Variants in MAF observed in about 807,000 individuals in gnomAD.
The protein encoded by MAF is MAF bZIP transcription factor, also known as transcription factor Maf.
In MAF, 10 loss-of-function variants were observed where a neutral mutation model predicts 22.0. That is an observed-to-expected ratio of 0.45 (90% CI 0.28 to 0.77). MAF has a LOEUF of 0.77. MAF is among the 30% of genes least tolerant of loss of function. MAF has a pLI of 0.12. For synonymous variants in MAF, 337 were observed against 255.8 expected (o/e 1.32, Z -3.03); for missense variants, 544 against 548.4 (o/e 0.99, Z 0.08).
At position 79,599,979 on chromosome 16, in the gene MAF, G is replaced by A; in HGVS notation, c.-77C>T. The A allele has an allele frequency of 3.2e-6, 5 of 1,585,830 alleles. No individual in the cohort carries two copies. Among genetic ancestry groups the A allele is most frequent in the Non-Finnish European group, 3.4e-6 (4 of 1,171,298 alleles). On this transcript the variant is annotated 5_prime_UTR_variant, in exon 1 of 2. Transcript: ENST00000326043. ...GAGAGGGGCCAGCGGGCTGTGCTGG[G>A]TGGCCAGCGGGTGAGCCAGCTTGCC... is the stretch of plus-strand genomic sequence containing the variant.
At chr16:79,288,049 T>C in the MAF span, among the ~76,000 whole-genome samples, 28 of 152,274 alleles carry the variant, frequency 1.8e-4, 1 homozygote, top group Middle Eastern at 6.8e-3. Flanking sequence ...TCACTGCTTG[T>C]AATTACTCTG....
the MAF span, among the ~76,000 whole-genome samples, chr16:79,445,364 A>G: frequency 2.6e-5 from 4 of 152,160 alleles, no homozygotes; most frequent in African/African-American, 7.2e-5. Context: ...GTTTTTATGT[A>G]TCAGTTCCCG....
the MAF span, among the ~76,000 whole-genome samples, chr16:79,521,254 T>C: frequency 2.0e-5 from 3 of 152,344 alleles, no homozygotes; most frequent in South Asian, 6.2e-4. Context: ...AATCGCAACA[T>C]ATCATTGGAT....
intron 1 of MAF, chr16:79,598,523 C>T (rs1227561989): frequency 5.7e-6 from 8 of 1,394,024 alleles, no homozygotes; most frequent in Non-Finnish European, 6.5e-6. Context: ...GAGCCAGACA[C>T]CCATTCCCTC....
At chr16:79,478,824 C>G in the MAF span, among the ~76,000 whole-genome samples, 1 of 151,776 alleles carries the variant, frequency 6.6e-6, no homozygotes, top group Non-Finnish European at 1.5e-5. Flanking sequence ...CCTGGCATAC[C>G]TGTATCCCAT....
chr16:79,592,777 TA>T (rs913083682), downstream of MAF, among the ~76,000 whole-genome samples: 4 of 152,106 alleles, frequency 2.6e-5, no homozygotes, highest in East Asian at 1.9e-4. Flanking sequence ...AAAACTTCTC[TA>T]AAAAAAACCA....
At chr16:79,567,456 G>A in the MAF span, among the ~76,000 whole-genome samples, 1 of 149,708 alleles carries the variant, frequency 6.7e-6, no homozygotes, top group Non-Finnish European at 1.5e-5. Flanking sequence ...ATCCATAGAA[G>A]CCACAAGGCA....
At chr16:79,381,137 G>A in the MAF span, among the ~76,000 whole-genome samples, 1 of 152,070 alleles carries the variant, frequency 6.6e-6, no homozygotes, top group East Asian at 1.9e-4. Flanking sequence ...TGCAGCTAGA[G>A]ATCAATGATA....
the MAF span, chr16:79,212,489 A>T: frequency 4.6e-6 from 1 of 218,854 alleles, no homozygotes; most frequent in Admixed American, 5.1e-5. Context: ...CTTGAAAGGC[A>T]GGAAGGGAAG....
chr16:79,476,855 A>AT, the MAF span, among the ~76,000 whole-genome samples: 2 of 152,116 alleles, frequency 1.3e-5, no homozygotes, highest in East Asian at 1.9e-4. Context: ...CATCACTGAC[A>AT]TTTTTTAAAA....
At chr16:79,524,264 T>TA in the MAF span, among the ~76,000 whole-genome samples, 1 of 152,192 alleles carries the variant, frequency 6.6e-6, no homozygotes, top group Admixed American at 6.5e-5. Flanking sequence ...TTTGCTGCAT[T>TA]AGCCGGGGGC....
the MAF span, among the ~76,000 whole-genome samples, chr16:79,222,324 G>A: frequency 6.6e-6 from 1 of 152,022 alleles, no homozygotes; most frequent in Non-Finnish European, 1.5e-5. Flanking sequence ...TCTTACAAGA[G>A]CTCCTGAAGA....
chr16:79,212,564 TTGTC>T, the MAF span: 14 of 165,888 alleles, frequency 8.4e-5, no homozygotes, highest in East Asian at 1.6e-4. Context: ...GTTAATCCCT[TTGTC>T]TGTCAATCAC....
At chr16:79,533,953 C>A in the MAF span, among the ~76,000 whole-genome samples, 4 of 152,206 alleles carry the variant, frequency 2.6e-5, no homozygotes, top group African/African-American at 7.2e-5. Context: ...CAAGGAAAGC[C>A]TGGGAAATTC....
the MAF span, among the ~76,000 whole-genome samples, chr16:79,295,707 G>T: frequency 6.6e-6 from 1 of 152,194 alleles, no homozygotes; most frequent in African/African-American, 2.4e-5. Context: ...ACAAAGCAGG[G>T]TCTCCCACTG....
the MAF span, among the ~76,000 whole-genome samples, chr16:79,486,804 C>T: frequency 6.6e-6 from 1 of 152,228 alleles, no homozygotes; most frequent in East Asian, 1.9e-4. Context: ...TGTTGCTTTT[C>T]ACCTTGGGTG....
At chr16:79,289,387 G>C in the MAF span, among the ~76,000 whole-genome samples, 2 of 152,286 alleles carry the variant, frequency 1.3e-5, no homozygotes, top group East Asian at 3.9e-4. Flanking sequence ...TGGCAGTGGG[G>C]AGAAGATGGA....
intron 1 of MAF, chr16:79,595,249 A>C (rs1913447519): frequency 9.6e-7 from 1 of 1,046,906 alleles, no homozygotes; most frequent in Non-Finnish European, 1.2e-6. Context: ...AGCCTGTCTA[A>C]ACTAGCACAT....
chr16:79,454,605 A>T, the MAF span, among the ~76,000 whole-genome samples: 2 of 152,210 alleles, frequency 1.3e-5, no homozygotes, highest in African/African-American at 4.8e-5. Flanking sequence ...CCCTAAAGGA[A>T]AATGCTCTTG....
Sources: gnomAD v4.1 joint callset for allele counts (sites outside exome capture counted in the v4.1 genomes callset) on GRCh38, gnomAD v4.1.1 for gene constraint, MANE v1.5 for transcripts, NCBI Gene and HGNC (gene_info 2026-07-23, HGNC 2026-07-21) for gene names.